Variants in CADPS observed in about 807,000 individuals in gnomAD.
CADPS encodes the protein calcium-dependent secretion activator 1.
CADPS carries 57 observed loss-of-function variants against 167.3 expected under a neutral mutation model. The observed-to-expected ratio is 0.34, with a 90% CI of 0.28 to 0.42. The LOEUF is 0.42. Among genes scored for constraint, CADPS ranks in the 20% least tolerant of loss-of-function variants. The pLI is 1.00. For missense variants in CADPS, 1,414 were observed against 1,738.1 expected, an observed-to-expected ratio of 0.81 and a Z score of 3.32; for synonymous variants, 676 against 635.3, an observed-to-expected ratio of 1.06 and a Z score of -0.96.
intron 6 of CADPS, among the ~76,000 whole-genome samples, chr3:62,641,124 T>C (rs764178410): frequency 3.6e-4 from 55 of 152,324 alleles, no homozygotes; most frequent in Non-Finnish European, 3.4e-4. Context: ...AAAAAGGAAA[T>C]CTTATGTCAT....
intron 28 of CADPS, among the ~76,000 whole-genome samples, chr3:62,414,186 C>T (rs2049545478): frequency 6.6e-6 from 1 of 152,184 alleles, no homozygotes; most frequent in Non-Finnish European, 1.5e-5. Context: ...ACACCGTGAA[C>T]CACATCACCT....
At chr3:62,674,738 C>A (rs2076081855) in intron 3 of CADPS, among the ~76,000 whole-genome samples, 1 of 152,026 alleles carries the variant, frequency 6.6e-6, no homozygotes, top group Non-Finnish European at 1.5e-5. Context: ...GCATTGTGTG[C>A]AAATGCACAA....
Position 62,601,749 on chromosome 3 carries a change from G to A in CADPS, c.1326-9001C>T, listed in dbSNP as rs1349891193. Among the ~76,000 whole-genome samples the A allele has an allele frequency of 6.6e-6, 1 of 152,152 alleles. No homozygotes were observed. The highest frequency in any genetic ancestry group is 1.5e-5 in the Non-Finnish European group (1 of 68,026). On this transcript the variant is annotated intron_variant, in intron 6 of 29. Transcript: ENST00000383710. The surrounding 1 kb of genome is among the most constrained non-coding windows in gnomAD (Gnocchi z 4.3). ...CAAATAATAAACATGAGTAGCAGAT[G>A]ATTCATATTTAGGGGGATGGGGATG...
intron 6 of CADPS, among the ~76,000 whole-genome samples, chr3:62,644,446 G>A (rs565391727): frequency 1.9e-4 from 29 of 152,148 alleles, no homozygotes; most frequent in East Asian, 7.7e-4. Flanking sequence ...CCTGTGGACC[G>A]CTGAAACAGT....
chr3:62,753,697 A>G lies in CADPS; in HGVS notation c.632T>C (p.Phe211Ser). The G allele has an allele frequency of 6.2e-7, 1 of 1,614,122 alleles. No individual in the cohort carries two copies. Among genetic ancestry groups the G allele is most frequent in the South Asian group, 1.1e-5 (1 of 91,072 alleles). The change falls in exon 3 of 30, where the codon TTC becomes TCC. Residue 211 changes from phenylalanine (F) to serine (S), a missense_variant. Transcript: ENST00000383710. This position sits in a 1 kb window ranked among gnomAD's most constrained non-coding sequence, Gnocchi z 4.6. ...GCSANDSREV[F>S]KKHIEKRVRS... is the part of the protein sequence containing the mutation. ...CACTCTCTTCTCAATGTGCTTCTTGAAGACCTCCCGGGAGTCGTTGGCGGA... is the reference window on the plus strand; with the variant it reads ...CACTCTCTTCTCAATGTGCTTCTTGGAGACCTCCCGGGAGTCGTTGGCGGA...
At chr3:62,857,900 C>A (rs1174590290) in intron 1 of CADPS, among the ~76,000 whole-genome samples, 2 of 152,074 alleles carry the variant, frequency 1.3e-5, no homozygotes, top group Non-Finnish European at 2.9e-5. Flanking sequence ...ACATGATTTA[C>A]ATCTACAATG....
chr3:62,452,447 A>G (rs1023140695), intron 26 of CADPS, among the ~76,000 whole-genome samples: 21 of 152,212 alleles, frequency 1.4e-4, no homozygotes, highest in Non-Finnish European at 2.6e-4. Flanking sequence ...GCTCAGATAC[A>G]GAATACTGCC....
chr3:62,870,059 T>G (rs942573851), intron 1 of CADPS, among the ~76,000 whole-genome samples: 1 of 152,138 alleles, frequency 6.6e-6, no homozygotes, highest in African/African-American at 2.4e-5. Context: ...GGCAAGAACC[T>G]TTCATGGTAT....
At chr3:62,738,638 A>G (rs2079520432) in intron 3 of CADPS, among the ~76,000 whole-genome samples, 1 of 152,136 alleles carries the variant, frequency 6.6e-6, no homozygotes, top group Admixed American at 6.5e-5. Context: ...AGGCAGGAGA[A>G]TTGCTTGAAA....
intron 6 of CADPS, among the ~76,000 whole-genome samples, chr3:62,624,875 C>G (rs2063772096): frequency 6.6e-6 from 1 of 152,124 alleles, no homozygotes; most frequent in South Asian, 2.1e-4. Flanking sequence ...GGTACATGAT[C>G]TTGCCCTCCT....
intron 3 of CADPS, among the ~76,000 whole-genome samples, chr3:62,705,634 C>G (rs573092777): frequency 2.6e-5 from 4 of 152,088 alleles, no homozygotes; most frequent in Non-Finnish European, 5.9e-5. Flanking sequence ...AATCTCCAAG[C>G]CTACATCTTT....
At chr3:62,568,734 A>G (rs1341233657) in intron 9 of CADPS, among the ~76,000 whole-genome samples, 3 of 152,144 alleles carry the variant, frequency 2.0e-5, no homozygotes. Context: ...TCTTATATAC[A>G]TATATCCTAT....
chr3:62,826,043 C>T (rs1250308668), intron 1 of CADPS, among the ~76,000 whole-genome samples: 2 of 152,180 alleles, frequency 1.3e-5, no homozygotes, highest in Non-Finnish European at 2.9e-5. Context: ...GAAAAATGGG[C>T]TGCTGTGCCT....
At chr3:62,445,718 A>C in intron 27 of CADPS, 47 bp downstream of exon 27, 4 of 1,365,454 alleles carry the variant, frequency 2.9e-6, no homozygotes, top group Non-Finnish European at 4.0e-6. Context: ...AAATGAAAAA[A>C]AAAAAAAACA....
intron 1 of CADPS, among the ~76,000 whole-genome samples, chr3:62,834,856 T>C (rs1181419692): frequency 2.0e-5 from 3 of 152,184 alleles, no homozygotes; most frequent in African/African-American, 7.2e-5. Flanking sequence ...TTGGGAAAAC[T>C]AAGGCAAGAA....
intron 21 of CADPS, among the ~76,000 whole-genome samples, chr3:62,489,704 A>C (rs1561133258): frequency 1.3e-5 from 2 of 152,214 alleles, no homozygotes; most frequent in African/African-American, 2.4e-5. Flanking sequence ...TGGTAGTAGT[A>C]GTCTCCGTAT....
chr3:62,590,731 C>G (rs913970355), intron 7 of CADPS, among the ~76,000 whole-genome samples: 4 of 151,860 alleles, frequency 2.6e-5, no homozygotes, highest in Non-Finnish European at 4.4e-5. Flanking sequence ...GGGGTGGTCT[C>G]TCATTATGCT....
intron 1 of CADPS, among the ~76,000 whole-genome samples, chr3:62,807,114 T>C (rs1314303828): frequency 6.6e-6 from 1 of 152,144 alleles, no homozygotes; most frequent in Non-Finnish European, 1.5e-5. Context: ...GACCCAAGGG[T>C]TTGACCCTGC....
intron 6 of CADPS, among the ~76,000 whole-genome samples, chr3:62,608,201 C>T (rs947403301): frequency 6.6e-6 from 1 of 151,794 alleles, no homozygotes; most frequent in African/African-American, 2.4e-5. Flanking sequence ...TGTGGGACCC[C>T]ACACCCACAA....
Sources: gnomAD v4.1 joint callset for allele counts (sites outside exome capture counted in the v4.1 genomes callset) on GRCh38, gnomAD v4.1.1 for gene constraint, Gnocchi (gnomAD v3.1) non-coding constraint, MANE v1.5 for transcripts, NCBI Gene and HGNC (gene_info 2026-07-23, HGNC 2026-07-21) for gene names.